Variants in BRD10 observed in about 807,000 individuals in gnomAD.
BRD10 encodes uncharacterized bromodomain-containing protein 10.
chr9:5,889,776 C>T, the BRD10 span, among the ~76,000 whole-genome samples: 3 of 146,408 alleles, frequency 2.0e-5, no homozygotes, highest in African/African-American at 7.6e-5. Flanking sequence ...CAGAGTGAGT[C>T]TCCATCTCAG....
the BRD10 span, among the ~76,000 whole-genome samples, chr9:5,985,748 G>A: frequency 3.3e-5 from 5 of 151,654 alleles, no homozygotes; most frequent in East Asian, 9.7e-4. Context: ...TTGCGCCACT[G>A]CACTCCAGCC....
chr9:5,989,175 T>G, the BRD10 span, among the ~76,000 whole-genome samples: 1 of 138,908 alleles, frequency 7.2e-6, no homozygotes, highest in Admixed American at 8.2e-5. Flanking sequence ...GAGGTTGTGG[T>G]GAGCCGAGAT....
chr9:5,997,026 G>A, the BRD10 span, among the ~76,000 whole-genome samples: 7 of 152,186 alleles, frequency 4.6e-5, no homozygotes, highest in African/African-American at 1.4e-4. Context: ...AAGCATTGAT[G>A]AGGCTTTAAA....
chr9:6,000,033 A>T, the BRD10 span, among the ~76,000 whole-genome samples: 1 of 152,186 alleles, frequency 6.6e-6, no homozygotes, highest in Non-Finnish European at 1.5e-5. Context: ...TACATTTTTA[A>T]TATAAAAGTA....
the BRD10 span, among the ~76,000 whole-genome samples, chr9:6,004,418 A>G: frequency 2.0e-5 from 3 of 152,218 alleles, no homozygotes; most frequent in Non-Finnish European, 4.4e-5. Flanking sequence ...ACAGATAAGG[A>G]AACTGAGATT....
the BRD10 span, chr9:6,007,796 A>C: frequency 2.7e-6 from 4 of 1,507,376 alleles, no homozygotes; most frequent in South Asian, 2.5e-5. Context: ...ATGCCCCGGC[A>C]GGCCTAGGCT....
At chr9:5,912,472 G>A in the BRD10 span, among the ~76,000 whole-genome samples, 2 of 152,108 alleles carry the variant, frequency 1.3e-5, no homozygotes, top group South Asian at 2.1e-4. Flanking sequence ...TGGGGAACGG[G>A]CCTTGAAGAA....
At chr9:5,940,138 T>C in the BRD10 span, among the ~76,000 whole-genome samples, 2 of 152,194 alleles carry the variant, frequency 1.3e-5, no homozygotes, top group Admixed American at 6.5e-5. Flanking sequence ...TTTTAACATA[T>C]CTTTTTACAT....
chr9:6,002,145 GTATA>G, the BRD10 span, among the ~76,000 whole-genome samples: 1 of 152,196 alleles, frequency 6.6e-6, no homozygotes, highest in Non-Finnish European at 1.5e-5. Flanking sequence ...TACTATGCCT[GTATA>G]TGTGTTTCTT....
At chr9:6,002,557 T>C in the BRD10 span, among the ~76,000 whole-genome samples, 1 of 152,302 alleles carries the variant, frequency 6.6e-6, no homozygotes, top group Non-Finnish European at 1.5e-5. Flanking sequence ...TGACTGAGGA[T>C]AAGCAAGCCA....
At chr9:6,006,469 A>T in the BRD10 span, among the ~76,000 whole-genome samples, 74 of 152,342 alleles carry the variant, frequency 4.9e-4, no homozygotes, top group East Asian at 0.013. Flanking sequence ...AAAACAATAC[A>T]TTCATTTTAG....
the BRD10 span, among the ~76,000 whole-genome samples, chr9:5,993,099 T>A: frequency 6.6e-6 from 1 of 152,048 alleles, no homozygotes; most frequent in Non-Finnish European, 1.5e-5. Context: ...GTGGATCAAA[T>A]GAGGTCAGGA....
At chr9:5,891,624 T>C in the BRD10 span, among the ~76,000 whole-genome samples, 1 of 152,152 alleles carries the variant, frequency 6.6e-6, no homozygotes, top group Non-Finnish European at 1.5e-5. Flanking sequence ...GAAAGGAGCT[T>C]CCATTATTGG....
At chr9:5,971,687 A>G in the BRD10 span, among the ~76,000 whole-genome samples, 1 of 152,200 alleles carries the variant, frequency 6.6e-6, no homozygotes, top group Non-Finnish European at 1.5e-5. Flanking sequence ...TATTCTTAAT[A>G]AAATTCAACT....
the BRD10 span, chr9:5,988,329 T>G: frequency 1.9e-6 from 3 of 1,594,330 alleles, no homozygotes; most frequent in Non-Finnish European, 2.6e-6. Context: ...TTATGAATTT[T>G]TTTCTTAACA....
the BRD10 span, among the ~76,000 whole-genome samples, chr9:5,911,143 C>T: frequency 6.6e-6 from 1 of 152,184 alleles, no homozygotes; most frequent in African/African-American, 2.4e-5. Context: ...AGAGTTTCTC[C>T]AACGCTTTCT....
chr9:5,911,587 T>C, the BRD10 span, among the ~76,000 whole-genome samples: 8 of 151,178 alleles, frequency 5.3e-5, no homozygotes, highest in South Asian at 6.3e-4. Context: ...CCAGGCGGAG[T>C]GCAGTGGCAC....
At chr9:5,935,389 C>T in the BRD10 span, among the ~76,000 whole-genome samples, 4 of 152,054 alleles carry the variant, frequency 2.6e-5, no homozygotes, top group Non-Finnish European at 4.4e-5. Context: ...AGCTTTGTAG[C>T]GGGGGAAAAA....
the BRD10 span, among the ~76,000 whole-genome samples, chr9:5,925,685 A>T: frequency 2.0e-5 from 3 of 152,216 alleles, no homozygotes; most frequent in Admixed American, 2.0e-4. Context: ...CTTAATAGAA[A>T]TATTTTAAAA....
Sources: allele counts gnomAD v4.1 joint callset (sites outside exome capture counted in the v4.1 genomes callset), GRCh38; gene constraint gnomAD v4.1.1; transcripts MANE v1.5; gene names NCBI Gene and HGNC (gene_info 2026-07-23, HGNC 2026-07-21).